Variants in RELL1 observed in about 807,000 individuals in gnomAD.
RELL1 encodes the protein RELT like 1, also known as RELT-like protein 1.
RELL1 carries 10 observed loss-of-function variants against 23.0 expected under a neutral mutation model. The ratio of observed to expected loss-of-function variants is 0.43; its 90% CI spans 0.27 to 0.74. The LOEUF is 0.74. Ranked by LOEUF, RELL1 falls within the 30% of genes least tolerant of loss-of-function variation. RELL1 has a pLI of 0.19. For missense variants in RELL1, 315 were observed against 364.4 expected (o/e 0.86, Z 1.10); for synonymous variants, 146 against 146.8 (o/e 0.99, Z 0.04).
chr4:37,668,967 C>A (rs1254773481), intron 1 of RELL1, among the ~76,000 whole-genome samples: 3 of 150,222 alleles, frequency 2.0e-5, no homozygotes, highest in Non-Finnish European at 4.4e-5. Context: ...AGGTGAGGAG[C>A]CCCTCTGCCC....
rs80153751 is a variant in RELL1 at position 37,610,728 on chromosome 4, T to C, written c.*2618A>G. Among the ~76,000 whole-genome samples, 682 of 152,336 alleles carry C rather than the reference T, an allele frequency of 4.5e-3. 1 individual carries two copies. The highest frequency in any genetic ancestry group is 7.4e-3 in the Non-Finnish European group (502 of 68,032). On this transcript the variant is annotated 3_prime_UTR_variant, in exon 7 of 7. Transcript: ENST00000454158. The surrounding 1 kb of genome is among the most constrained non-coding windows in gnomAD (Gnocchi z 4.1). ...TTAAAAATACACTTGACACTCGAAATGGTGAAAATTTTCCTTACAAATTTT... is the reference window on the plus strand; with the variant it reads ...TTAAAAATACACTTGACACTCGAAACGGTGAAAATTTTCCTTACAAATTTT...
intron 6 of RELL1, among the ~76,000 whole-genome samples, chr4:37,614,720 C>A (rs1341206930): frequency 6.6e-6 from 1 of 151,580 alleles, no homozygotes; most frequent in Non-Finnish European, 1.5e-5. Flanking sequence ...CAGGCAAAAC[C>A]TTAAACTAGG....
intron 6 of RELL1, among the ~76,000 whole-genome samples, chr4:37,629,143 C>T (rs564144595): frequency 6.6e-6 from 1 of 152,166 alleles, no homozygotes; most frequent in Non-Finnish European, 1.5e-5. Flanking sequence ...CTGGTGCAAT[C>T]GGCTCCATCT....
intron 6 of RELL1, among the ~76,000 whole-genome samples, chr4:37,597,360 ATTAGAATACTTGT>A (rs1363861345): frequency 2.0e-5 from 3 of 152,214 alleles, no homozygotes; most frequent in African/African-American, 7.2e-5. Flanking sequence ...GAACAGGCTA[ATTAGAATACTTGT>A]TTAGTCAGAA....
At chr4:37,658,135 G>T (rs1721193018) in intron 1 of RELL1, among the ~76,000 whole-genome samples, 1 of 152,114 alleles carries the variant, frequency 6.6e-6, no homozygotes, top group African/African-American at 2.4e-5. Flanking sequence ...GCAGACAGGA[G>T]GCTTAGCAGA....
At chr4:37,636,059 C>T (rs1720318274) in intron 4 of RELL1, among the ~76,000 whole-genome samples, 1 of 152,166 alleles carries the variant, frequency 6.6e-6, no homozygotes, top group African/African-American at 2.4e-5. Context: ...CTTATAAAAT[C>T]TTATGATGTA....
At chr4:37,656,122 C>A (rs1329952250) in intron 1 of RELL1, among the ~76,000 whole-genome samples, 1 of 152,024 alleles carries the variant, frequency 6.6e-6, no homozygotes, top group African/African-American at 2.4e-5. Context: ...CATCGATAGA[C>A]AAAGGGATAA....
intron 6 of RELL1, among the ~76,000 whole-genome samples, chr4:37,614,438 T>C (rs971070012): frequency 1.3e-5 from 2 of 152,120 alleles, no homozygotes; most frequent in African/African-American, 2.4e-5. Flanking sequence ...TCCCCTTAGC[T>C]AAAAAGGAAA....
downstream of RELL1, among the ~76,000 whole-genome samples, chr4:37,605,839 GAAA>G (rs1560324763): frequency 5.3e-5 from 6 of 112,308 alleles, no homozygotes; most frequent in African/African-American, 1.4e-4. Context: ...AAGAAAGAAA[GAAA>G]GAAGGAAAAG....
chr4:37,587,109 A>AG (rs1718376966), downstream of RELL1, among the ~76,000 whole-genome samples: 1 of 151,524 alleles, frequency 6.6e-6, no homozygotes, highest in Admixed American at 6.6e-5. Flanking sequence ...GGCTGCCAGT[A>AG]CTCTTGGTTT....
intron 6 of RELL1, among the ~76,000 whole-genome samples, chr4:37,616,719 A>G (rs929656396): frequency 4.6e-5 from 7 of 152,258 alleles, no homozygotes; most frequent in African/African-American, 1.7e-4. Flanking sequence ...ACATGACAGC[A>G]ATATTAACAC....
rs562484653 is a variant in RELL1, at chr4:37,614,395, T to G, written c.*4-1053A>C. Among the ~76,000 whole-genome samples, 19 of 152,262 alleles carry G rather than the reference T, an allele frequency of 1.2e-4. 1 individual carries two copies. In the South Asian group the frequency reaches 3.9e-3, roughly 32 times the overall value. On this transcript the variant is annotated intron_variant, in intron 6 of 6. Coordinates refer to ENST00000454158, the MANE Select transcript of RELL1 (RefSeq NM_001085400.2). ...GACAGACAGAAAGAAAGAGATTTAT[T>G]TCCCAAATGAGATGATGAGTAAAGG...
rs79365559 is a variant in RELL1 at position 37,656,324 on chromosome 4, T to G, written c.89-6824A>C. ...AGTCAAACTCATAGAAACCAGAGAG[T>G]AGAATGGTGTTTGCCAGGGGCTGGG... On this transcript the variant is annotated intron_variant, in intron 1 of 6. Transcript: ENST00000454158. Among the ~76,000 whole-genome samples the G allele has an allele frequency of 6.9e-3, 1,052 of 151,778 alleles. 13 individuals are homozygous for G. Among genetic ancestry groups the G allele is most frequent in the African/African-American group, 0.024 (979 of 41,364 alleles).
At chr4:37,667,095 T>C (rs1346870301) in intron 1 of RELL1, among the ~76,000 whole-genome samples, 1 of 151,884 alleles carries the variant, frequency 6.6e-6, no homozygotes, top group Non-Finnish European at 1.5e-5. Context: ...GAAGGAAAGA[T>C]TGAACAGAAG....
At chr4:37,589,415 G>A (rs940358698), downstream of RELL1, among the ~76,000 whole-genome samples, 2 of 152,126 alleles carry the variant, frequency 1.3e-5, no homozygotes, top group African/African-American at 4.8e-5. Context: ...CAAAAACTAT[G>A]TATTGTAAGT....
downstream of RELL1, among the ~76,000 whole-genome samples, chr4:37,606,041 AGAAAAAG>A (rs574498480): frequency 1.1e-4 from 17 of 148,956 alleles, no homozygotes; most frequent in South Asian, 1.1e-3. The surrounding 1 kb of genome is among the most constrained non-coding windows in gnomAD (Gnocchi z 4.1). Flanking sequence ...GGAGAAAGAA[AGAAAAAG>A]AAGAAAGGGA....
At chr4:37,675,492 A>C (rs1299729034) in intron 1 of RELL1, among the ~76,000 whole-genome samples, 2 of 152,204 alleles carry the variant, frequency 1.3e-5, no homozygotes, top group Admixed American at 1.3e-4. Context: ...ATTAAATTTG[A>C]TCAGGCAATC....
At chr4:37,685,939 G>A (rs924964970) in intron 1 of RELL1, among the ~76,000 whole-genome samples, 4 of 152,244 alleles carry the variant, frequency 2.6e-5, no homozygotes. Flanking sequence ...ACTGCCCAGC[G>A]CTGGGGAACA....
At chr4:37,619,207 G>A (rs1341944316) in intron 6 of RELL1, among the ~76,000 whole-genome samples, 1 of 136,474 alleles carries the variant, frequency 7.3e-6, no homozygotes, top group African/African-American at 2.8e-5. Flanking sequence ...TTTTTAGAAG[G>A]AGCCTCGCTC....
Sources: gnomAD v4.1 joint callset for allele counts (sites outside exome capture counted in the v4.1 genomes callset) on GRCh38, gnomAD v4.1.1 for gene constraint, Gnocchi (gnomAD v3.1) non-coding constraint, MANE v1.5 for transcripts, NCBI Gene and HGNC (gene_info 2026-07-23, HGNC 2026-07-21) for gene names.